PLCB1: variants seen among roughly 807,000 people sequenced by gnomAD.
PLCB1 encodes the protein phospholipase C beta 1.
A neutral mutation model predicts 161.8 loss-of-function variants in PLCB1; 46 were observed. That is an observed-to-expected ratio of 0.28 (90% CI 0.22 to 0.36). The LOEUF (loss-of-function observed/expected upper bound fraction) is 0.36. Ranked by LOEUF, PLCB1 falls within the 10% of genes least tolerant of loss-of-function variation. The pLI, the probability that PLCB1 is intolerant of heterozygous loss-of-function variation, is 1.00. For missense variants in PLCB1, 1,016 were observed against 1,472.5 expected (o/e 0.69, Z 5.07); for synonymous variants, 517 against 503.7 (o/e 1.03, Z -0.35).
chr20:8,194,589 AAATT>A (rs1195273052), intron 2 of PLCB1, among the ~76,000 whole-genome samples: 1 of 152,056 alleles, frequency 6.6e-6, no homozygotes, highest in African/African-American at 2.4e-5. Flanking sequence ...ATTCTGGTAA[AAATT>A]ATGATGAATA....
At chr20:8,606,517 A>T (rs1486711300) in intron 3 of PLCB1, among the ~76,000 whole-genome samples, 1 of 152,186 alleles carries the variant, frequency 6.6e-6, no homozygotes, top group African/African-American at 2.4e-5. Context: ...TATGATTACA[A>T]TTATTATTAG....
At chr20:8,355,375 G>T (rs1279208002) in intron 2 of PLCB1, among the ~76,000 whole-genome samples, 2 of 152,112 alleles carry the variant, frequency 1.3e-5, no homozygotes, top group Non-Finnish European at 2.9e-5. Flanking sequence ...GGGTGTTTTT[G>T]ATATAAGGTG....
chr20:8,826,295 AC>A (rs1190405006), intron 31 of PLCB1, among the ~76,000 whole-genome samples: 1 of 152,056 alleles, frequency 6.6e-6, no homozygotes, highest in African/African-American at 2.4e-5. Context: ...GGAGATCGAG[AC>A]CATCCTGGCT....
At chr20:8,862,039 G>A (rs192014861) in intron 31 of PLCB1, among the ~76,000 whole-genome samples, 14 of 152,146 alleles carry the variant, frequency 9.2e-5, no homozygotes, top group Admixed American at 7.2e-4. Context: ...CTGGCATTAT[G>A]TTATTATTTA....
At chr20:8,526,137 C>T (rs1005056127) in intron 3 of PLCB1, among the ~76,000 whole-genome samples, 7 of 151,954 alleles carry the variant, frequency 4.6e-5, no homozygotes, top group Non-Finnish European at 8.8e-5. Context: ...TTGATTTACA[C>T]GCTAATGATT....
chr20:8,360,707 G>A (rs1485408789), intron 2 of PLCB1, among the ~76,000 whole-genome samples: 1 of 152,176 alleles, frequency 6.6e-6, no homozygotes, highest in Admixed American at 6.5e-5. Context: ...AATTCCGTCT[G>A]TCTTGCCAGA....
At chr20:8,755,024 G>T (rs922832018) in intron 23 of PLCB1, among the ~76,000 whole-genome samples, 2 of 152,104 alleles carry the variant, frequency 1.3e-5, no homozygotes, top group Non-Finnish European at 2.9e-5. Flanking sequence ...TCAAAAGAAA[G>T]ATTCTGCCAT....
At chr20:8,590,858 G>C (rs1437240305) in intron 3 of PLCB1, among the ~76,000 whole-genome samples, 1 of 151,946 alleles carries the variant, frequency 6.6e-6, no homozygotes, top group East Asian at 1.9e-4. Flanking sequence ...TGTGCAGGAC[G>C]TGCAGGTTTG....
At chr20:8,138,962 A>C (rs532334665) in intron 1 of PLCB1, among the ~76,000 whole-genome samples, 1 of 144,632 alleles carries the variant, frequency 6.9e-6, no homozygotes, top group East Asian at 2.0e-4. Flanking sequence ...AATTATTATA[A>C]ATTGAGTAAC....
chr20:8,685,197 A>G, intron 10 of PLCB1, 119 bp downstream of exon 10: 1 of 963,318 alleles, frequency 1.0e-6, no homozygotes, highest in South Asian at 1.5e-5. Flanking sequence ...AGTGCCTCTG[A>G]GAACTCTGGG....
At chr20:8,146,765 T>C (rs75587476) in intron 1 of PLCB1, among the ~76,000 whole-genome samples, 7,719 of 152,264 alleles carry the variant, frequency 0.051, 234 homozygotes, top group Middle Eastern at 0.14. Flanking sequence ...TCTTTAGAGA[T>C]TCATGTAAAT....
intron 2 of PLCB1, among the ~76,000 whole-genome samples, chr20:8,282,415 T>C (rs75151557): frequency 0.012 from 1,795 of 152,308 alleles, 28 homozygotes; most frequent in African/African-American, 0.04. Flanking sequence ...GGTTCTCAGA[T>C]TTTAAGTCAT....
chr20:8,422,275 A>T (rs1480681006), intron 3 of PLCB1, among the ~76,000 whole-genome samples: 1 of 152,230 alleles, frequency 6.6e-6, no homozygotes, highest in Non-Finnish European at 1.5e-5. Context: ...CAGATGCACA[A>T]AAAAGAGCAG....
intron 3 of PLCB1, among the ~76,000 whole-genome samples, chr20:8,607,188 G>T (rs1244201605): frequency 6.6e-6 from 1 of 151,998 alleles, no homozygotes; most frequent in Non-Finnish European, 1.5e-5. Flanking sequence ...TACATCCAAC[G>T]CATCCACTTC....
At chr20:8,659,991 C>CAAAAA (rs11482818) in intron 9 of PLCB1, among the ~76,000 whole-genome samples, 2 of 109,852 alleles carry the variant, frequency 1.8e-5, no homozygotes, top group African/African-American at 3.3e-5. Context: ...GACTCTGTCT[C>CAAAAA]AAAAAAAAAA....
At position 8,774,709 on chromosome 20, in the gene PLCB1, A is replaced by C; in HGVS notation, c.3101A>C (p.His1034Pro). The change falls in exon 27 of 32, where the codon CAT (histidine) becomes CCT (proline). Residue 1034 changes from histidine to proline, a missense_variant. This residue lies in a region of PLCB1 where 398 missense variants were observed against 445.4 expected (regional missense o/e 0.89). Coordinates refer to ENST00000338037, the MANE Select transcript of PLCB1 (RefSeq NM_015192.4). ...YYSEKYQKRE[H>P]IKLLIQKLTD... is the part of the protein sequence containing the mutation. ...AGTGAAAAATACCAGAAGCGAGAAC[A>C]TATTAAACTGGTGAGCCTGAGAAAC... 6.3e-7 allele frequency: 1 copy of C among 1,595,824 alleles called. No individual in the cohort carries two copies. The highest frequency in any genetic ancestry group is 1.7e-5 in the Admixed American group (1 of 59,638).
intron 2 of PLCB1, among the ~76,000 whole-genome samples, chr20:8,312,341 T>C (rs1393371990): frequency 2.0e-5 from 3 of 152,138 alleles, no homozygotes; most frequent in Non-Finnish European, 2.9e-5. Context: ...ATGGTACTTT[T>C]CATGGTCCAG....
chr20:8,432,346 T>C (rs1464569893), intron 3 of PLCB1, among the ~76,000 whole-genome samples: 1 of 152,184 alleles, frequency 6.6e-6, no homozygotes, highest in African/African-American at 2.4e-5. Flanking sequence ...ATCCTCCCAG[T>C]GTGCAGGCTG....
At chr20:8,400,723 G>A (rs767317940) in intron 3 of PLCB1, among the ~76,000 whole-genome samples, 1 of 152,080 alleles carries the variant, frequency 6.6e-6, no homozygotes, top group Non-Finnish European at 1.5e-5. Flanking sequence ...TTTTCTAGAG[G>A]TTGTAGAGTA....
Sources: gnomAD v4.1 joint callset for allele counts (sites outside exome capture counted in the v4.1 genomes callset) on GRCh38, gnomAD v4.1.1 for gene constraint, gnomAD v4.1.1 regional missense constraint, MANE v1.5 for transcripts, NCBI Gene and HGNC (gene_info 2026-07-23, HGNC 2026-07-21) for gene names.